Variants in AFG2A observed in about 807,000 individuals in gnomAD.
AFG2A encodes the protein AAA ATPase AFG2A, also known as ATPase family gene 2 protein homolog A.
At chr4:122,981,430 A>G in the AFG2A span, among the ~76,000 whole-genome samples, 5 of 143,508 alleles carry the variant, frequency 3.5e-5, no homozygotes, top group African/African-American at 1.3e-4. Context: ...GCTTTGTAGT[A>G]TATTTTGAAA....
the AFG2A span, among the ~76,000 whole-genome samples, chr4:123,306,101 C>T: frequency 6.6e-6 from 1 of 152,210 alleles, no homozygotes; most frequent in South Asian, 2.1e-4. Context: ...GCTAGCATAG[C>T]ATGAAACTTT....
At chr4:123,078,685 T>C in the AFG2A span, among the ~76,000 whole-genome samples, 2,077 of 152,248 alleles carry the variant, frequency 0.014, 52 homozygotes, top group African/African-American at 0.047. Flanking sequence ...CAATCTAGAA[T>C]GGAGATGGCT....
the AFG2A span, among the ~76,000 whole-genome samples, chr4:123,093,737 A>G: frequency 6.6e-6 from 1 of 152,248 alleles, no homozygotes; most frequent in South Asian, 2.1e-4. Flanking sequence ...GAGGAGTAAA[A>G]ATCTCTGGAT....
the AFG2A span, among the ~76,000 whole-genome samples, chr4:122,943,650 C>T: frequency 3.6e-4 from 55 of 151,978 alleles, no homozygotes; most frequent in African/African-American, 6.8e-4. Flanking sequence ...AAGTTAATAT[C>T]GTTATGTGTG....
the AFG2A span, among the ~76,000 whole-genome samples, chr4:122,954,760 G>A: frequency 2.0e-5 from 3 of 152,242 alleles, no homozygotes; most frequent in Non-Finnish European, 4.4e-5. Context: ...GCTGCTGGGA[G>A]CACAGTCAAG....
At chr4:123,301,720 C>T in the AFG2A span, among the ~76,000 whole-genome samples, 10 of 152,264 alleles carry the variant, frequency 6.6e-5, no homozygotes, top group East Asian at 1.9e-3. Flanking sequence ...TACAGATTGT[C>T]AAGTCATTTT....
At chr4:123,242,469 G>C in the AFG2A span, among the ~76,000 whole-genome samples, 1 of 152,138 alleles carries the variant, frequency 6.6e-6, no homozygotes, top group East Asian at 1.9e-4. Flanking sequence ...TCTGATCTTT[G>C]ACAAACCTGA....
the AFG2A span, among the ~76,000 whole-genome samples, chr4:123,247,876 G>C: frequency 6.6e-6 from 1 of 152,124 alleles, no homozygotes; most frequent in Non-Finnish European, 1.5e-5. Context: ...AGTATAATTT[G>C]ACTTACCTCA....
chr4:122,976,242 C>G, the AFG2A span, among the ~76,000 whole-genome samples: 1 of 152,178 alleles, frequency 6.6e-6, no homozygotes, highest in Non-Finnish European at 1.5e-5. Flanking sequence ...TTATTAAACA[C>G]TCTTAACACA....
the AFG2A span, among the ~76,000 whole-genome samples, chr4:123,012,211 AGGAAAGTGGAGAAAGGGTGGGAGGTG>A: frequency 7.1e-6 from 1 of 140,370 alleles, no homozygotes; most frequent in Non-Finnish European, 1.5e-5. Context: ...CTTGTCCCCC[AGGAAAGTGGAGAAAGGGTGGGAGGTG>A]CTTGCCCCCC....
the AFG2A span, among the ~76,000 whole-genome samples, chr4:123,273,040 A>T: frequency 3.3e-5 from 5 of 152,170 alleles, no homozygotes; most frequent in African/African-American, 4.8e-5. Flanking sequence ...CTTCAGCTGA[A>T]GGAGACTTTA....
chr4:123,236,713 C>T, the AFG2A span, among the ~76,000 whole-genome samples: 1 of 152,126 alleles, frequency 6.6e-6, no homozygotes, highest in African/African-American at 2.4e-5. Flanking sequence ...TTTAAACTAA[C>T]TTGTACAAGC....
chr4:123,042,145 A>C, the AFG2A span, among the ~76,000 whole-genome samples: 3 of 152,318 alleles, frequency 2.0e-5, no homozygotes, highest in South Asian at 6.2e-4. Context: ...TTGTGAAGGT[A>C]ATTGTCTTAT....
the AFG2A span, among the ~76,000 whole-genome samples, chr4:123,076,544 T>C: frequency 6.6e-6 from 1 of 151,608 alleles, no homozygotes; most frequent in African/African-American, 2.4e-5. Flanking sequence ...AGATTGCCTT[T>C]ATTTTTATTT....
chr4:123,293,250 C>T, the AFG2A span, among the ~76,000 whole-genome samples: 2 of 152,188 alleles, frequency 1.3e-5, no homozygotes, highest in African/African-American at 4.8e-5. Context: ...AAGTCCCCTT[C>T]TCCAGGTCCC....
the AFG2A span, among the ~76,000 whole-genome samples, chr4:123,120,516 A>C: frequency 6.6e-6 from 1 of 152,216 alleles, no homozygotes; most frequent in Non-Finnish European, 1.5e-5. Context: ...CCTTCTGGCA[A>C]GACTGAGTTT....
chr4:122,996,446 A>G, the AFG2A span, among the ~76,000 whole-genome samples: 1 of 152,094 alleles, frequency 6.6e-6, no homozygotes, highest in Non-Finnish European at 1.5e-5. Flanking sequence ...TTTTGCCTTT[A>G]CATATGTATT....
chr4:123,171,957 A>G, the AFG2A span, among the ~76,000 whole-genome samples: 2 of 152,154 alleles, frequency 1.3e-5, no homozygotes, highest in African/African-American at 2.4e-5. Context: ...GCTATTTAAT[A>G]TAATAATACT....
chr4:123,216,172 A>G, the AFG2A span, among the ~76,000 whole-genome samples: 1 of 152,164 alleles, frequency 6.6e-6, no homozygotes, highest in Non-Finnish European at 1.5e-5. Context: ...GACCTATGAC[A>G]GGTTTTTCTT....
Sources: allele counts gnomAD v4.1 joint callset (sites outside exome capture counted in the v4.1 genomes callset), GRCh38; gene constraint gnomAD v4.1.1; transcripts MANE v1.5; gene names NCBI Gene and HGNC (gene_info 2026-07-23, HGNC 2026-07-21).